The following TNRC18 variants were observed in gnomAD, a reference collection of about 807,000 sequenced individuals.
TNRC18 encodes trinucleotide repeat containing 18.
TNRC18 carries 69 observed loss-of-function variants against 226.7 expected under a neutral mutation model. That is an observed-to-expected ratio of 0.30 (90% CI 0.25 to 0.37). TNRC18 has a LOEUF of 0.37. Among genes scored for constraint, TNRC18 ranks in the 10% least tolerant of loss-of-function variants. The pLI is 1.00. For missense variants in TNRC18, 4,754 were observed against 4,256.6 expected (o/e 1.12, Z -3.25); for synonymous variants, 2,449 against 1,927.6 (o/e 1.27, Z -7.09).
chr7:5,385,107 T>G (rs1779665406), intron 5 of TNRC18, among the ~76,000 whole-genome samples: 1 of 152,156 alleles, frequency 6.6e-6, no homozygotes, highest in Non-Finnish European at 1.5e-5. Context: ...GACATGGCTG[T>G]GCAGGAAGTG....
In TNRC18 at chr7:5,389,461, G is replaced by GGTTTTTTTTTTTTTTT. The variant is rs1554297479; in HGVS notation, c.488-126_488-125insAAAAAAAAAAAAAAAC. The stretch of plus-strand genomic sequence containing the variant: ...TGCCTCCCCCAGTGTTTTGGTTTTG[G>GGTTTTTTTTTTTTTTT]TTTTTTTTTTCAGAAAGAGTCTCGC... On this transcript the variant is annotated intron_variant, in intron 4 of 29. Coordinates refer to ENST00000430969, the MANE Select transcript of TNRC18 (RefSeq NM_001080495.3). The GGTTTTTTTTTTTTTTT allele has an allele frequency of 1.1e-5, 6 of 565,556 alleles. No individual in the cohort carries two copies. In the African/African-American group the frequency reaches 1.6e-4, roughly 15 times the overall value. 35.0% of individuals were successfully genotyped at this position (565,556 alleles called of 1,614,324 possible).
At chr7:5,325,383 C>A in intron 19 of TNRC18, 135 bp from the exon 20 acceptor site, 5 of 928,880 alleles carry the variant, frequency 5.4e-6, no homozygotes, top group Non-Finnish European at 7.8e-6. Context: ...CAAAACACCC[C>A]TTCTCTCTCT....
At position 5,375,948 on chromosome 7, in the gene TNRC18, G is replaced by T. The variant is rs773361231; in HGVS notation, c.2799+86C>A. On this transcript the variant is annotated intron_variant, in intron 9 of 29. Coordinates refer to ENST00000430969, the MANE Select transcript of TNRC18 (RefSeq NM_001080495.3). ...TGCTGTTTTCTCCCTCCCTGTAACT[G>T]TCTGGAGATTCTGCTGGCTGACTCG... 1.4e-3 allele frequency: 1,884 copies of T among 1,344,782 alleles called. 3 individuals carry two copies. The highest frequency in any genetic ancestry group is 1.7e-3 in the Non-Finnish European group (1,717 of 987,944). 83.3% of individuals were successfully genotyped at this position (1,344,782 alleles called of 1,614,324 possible).
At chr7:5,336,578 C>CAA (rs34319919) in intron 18 of TNRC18, among the ~76,000 whole-genome samples, 2 of 151,706 alleles carry the variant, frequency 1.3e-5, no homozygotes, top group Admixed American at 6.6e-5. Flanking sequence ...TCTGTCTCTA[C>CAA]AAAAAATACA....
chr7:5,320,891 C>T (rs1788285042), intron 22 of TNRC18, among the ~76,000 whole-genome samples, 182 bp downstream of exon 22: 1 of 152,258 alleles, frequency 6.6e-6, no homozygotes, highest in Non-Finnish European at 1.5e-5. Context: ...GGAGGGTTCA[C>T]CCAGTACTCC....
intron 19 of TNRC18, among the ~76,000 whole-genome samples, chr7:5,326,863 G>C (rs1213914297): frequency 6.6e-6 from 1 of 151,526 alleles, no homozygotes; most frequent in African/African-American, 2.4e-5. Context: ...AGTGGCTCCT[G>C]CCTGTAATCC....
chr7:5,405,875 G>C (rs575456778), intron 2 of TNRC18, among the ~76,000 whole-genome samples: 1 of 152,322 alleles, frequency 6.6e-6, no homozygotes, highest in Admixed American at 6.5e-5. Context: ...ACCAGTCTCG[G>C]CAACATCAAG....
chr7:5,374,320 C>T lies in TNRC18; in HGVS notation c.2964G>A (p.Lys988=). 1 of 1,431,926 alleles carries T rather than the reference C, an allele frequency of 7.0e-7. No individual in the cohort carries two copies. Among genetic ancestry groups the T allele is most frequent in the Non-Finnish European group, 9.1e-7 (1 of 1,099,924 alleles). 88.7% of individuals were successfully genotyped at this position (1,431,926 alleles called of 1,614,324 possible). The stretch of plus-strand genomic sequence containing the variant: ...GGGGTGATGGTGGCGGGCTCACGGC[C>T]TTGCCGTAGGTGCCCGCGGGGCCGG... The part of the protein sequence containing the change: ...LAAGPAGTYG[K]AVSPPPSPRA... The change falls in exon 10 of 30, where the codon AAG becomes AAA. Residue 988 remains lysine, a synonymous_variant. Transcript: ENST00000430969.
In TNRC18 at chr7:5,313,455, T is replaced by G. The variant is rs530723738; in HGVS notation, c.7436A>C (p.Glu2479Ala). The G allele has an allele frequency of 9.9e-6, 16 of 1,612,704 alleles. No individual in the cohort carries two copies. The African/African-American group carries it at 1.6e-4, about 16-fold the overall frequency. ...CGGATCCTCCCGGAGCAGCAGGGCC[T>G]CTTTAGCCTTCTTGCTTTTGGGTGA... ...VTSPKSKKAKEALLLREDPGA... is the reference protein window; with the variant it reads ...VTSPKSKKAKAALLLREDPGA... The change falls in exon 27 of 30, where the codon GAG becomes GCG. Residue 2479 changes from glutamate (E) to alanine (A), a missense_variant. By Grantham distance (107) the Glu-to-Ala change is moderately radical. Transcript: ENST00000430969.
chr7:5,358,831 A>C (rs181369926), intron 15 of TNRC18, among the ~76,000 whole-genome samples: 162 of 152,226 alleles, frequency 1.1e-3, no homozygotes, highest in African/African-American at 3.3e-3. Context: ...AACAAACAAA[A>C]AAAAACTACC....
intron 18 of TNRC18, among the ~76,000 whole-genome samples, chr7:5,341,669 C>G (rs1406814435): frequency 6.8e-6 from 1 of 147,612 alleles, no homozygotes; most frequent in Non-Finnish European, 1.5e-5. Context: ...GAGGCTGAGG[C>G]AGAAAAATCG....
intron 5 of TNRC18, among the ~76,000 whole-genome samples, chr7:5,381,565 C>A (rs1343380810): frequency 6.6e-6 from 1 of 152,118 alleles, no homozygotes; most frequent in African/African-American, 2.4e-5. Context: ...CTCGAGGCTG[C>A]AGTGAGCCAT....
At chr7:5,317,442 T>A (rs552692440) in intron 24 of TNRC18, among the ~76,000 whole-genome samples, 1 of 152,006 alleles carries the variant, frequency 6.6e-6, no homozygotes, top group African/African-American at 2.4e-5. Flanking sequence ...ATACAAAAAA[T>A]TAGCCGGGCA....
intron 2 of TNRC18, among the ~76,000 whole-genome samples, chr7:5,406,833 A>C (rs1781500083): frequency 6.6e-6 from 1 of 150,544 alleles, no homozygotes; most frequent in Non-Finnish European, 1.5e-5. Context: ...CCTGGGCGAC[A>C]GAGCGAGACT....
In TNRC18 at chr7:5,312,264, C is replaced by T. The variant is rs975127269; in HGVS notation, c.8388+239G>A. Among the ~76,000 whole-genome samples, 18 of 152,208 alleles carry T rather than the reference C, an allele frequency of 1.2e-4. No homozygotes were observed. Among genetic ancestry groups the T allele is most frequent in the African/African-American group, 3.4e-4 (14 of 41,442 alleles). Reference sequence around the variant, plus strand: ...GCTCCACGAGGGTGGCTCTGCGTCCCGGGACCAGAGGGCAGGACCACTCTG... The same window carrying T: ...GCTCCACGAGGGTGGCTCTGCGTCCTGGGACCAGAGGGCAGGACCACTCTG... On this transcript the variant is annotated intron_variant, in intron 27 of 29. Transcript: ENST00000430969. This position sits in a 1 kb window ranked among gnomAD's most constrained non-coding sequence, Gnocchi z 6.3.
chr7:5,404,763 A>AGTGTGTGT (rs57464872), intron 2 of TNRC18, among the ~76,000 whole-genome samples: 4,514 of 147,178 alleles, frequency 0.031, 75 homozygotes, highest in South Asian at 0.048. Context: ...GCACACTTTC[A>AGTGTGTGT]GTGTGTGTGT....
intron 2 of TNRC18, among the ~76,000 whole-genome samples, chr7:5,404,763 A>T (rs947545098): frequency 6.0e-4 from 89 of 147,232 alleles, no homozygotes; most frequent in East Asian, 2.6e-3. Context: ...GCACACTTTC[A>T]GTGTGTGTGT....
At chr7:5,364,176 G>A (rs1793371193) in intron 11 of TNRC18, among the ~76,000 whole-genome samples, 1 of 152,114 alleles carries the variant, frequency 6.6e-6, no homozygotes, top group Non-Finnish European at 1.5e-5. Context: ...ACAAGCACCT[G>A]TAGTCCCAGC....
chr7:5,374,288 G>T lies in TNRC18; in HGVS notation c.2996C>A (p.Ser999Tyr), dbSNP rs745830620. 2 of 1,469,046 alleles carry T rather than the reference G, an allele frequency of 1.4e-6. No individual in the cohort carries two copies. Among genetic ancestry groups the T allele is most frequent in the Admixed American group, 2.6e-5 (1 of 39,124 alleles). The allele number at this position is 1,469,046 out of a possible 1,614,324, so 91.0% of individuals were successfully genotyped here. The change falls in exon 10 of 30, where the codon TCC becomes TAC. Residue 999 changes from serine to tyrosine, a missense_variant. Ser to Tyr is a moderately radical substitution (Grantham distance 144). Transcript: ENST00000430969. ...AVSPPPSPRA[S>Y]PVAALKAKVI... ...CTTGGCCTTCAGGGCAGCCACAGGGGATGCGCGGGGTGATGGTGGCGGGCT... is the reference window on the plus strand; with the variant it reads ...CTTGGCCTTCAGGGCAGCCACAGGGTATGCGCGGGGTGATGGTGGCGGGCT...
Sources: gnomAD v4.1 joint callset for allele counts (sites outside exome capture counted in the v4.1 genomes callset) on GRCh38, gnomAD v4.1.1 for gene constraint, Gnocchi (gnomAD v3.1) non-coding constraint, MANE v1.5 for transcripts, NCBI Gene and HGNC (gene_info 2026-07-23, HGNC 2026-07-21) for gene names.